MILR1: variants seen among roughly 807,000 people sequenced by gnomAD.
MILR1 encodes the protein mast cell immunoglobulin like receptor 1.
A neutral mutation model predicts 18.5 loss-of-function variants in MILR1; 31 were observed. The ratio of observed to expected loss-of-function variants is 1.68; its 90% confidence interval spans 1.26 to 2.26. MILR1 has a LOEUF of 2.26. Among genes scored for constraint, MILR1 ranks in the 30% most tolerant of loss-of-function variants. The pLI, the probability that MILR1 is intolerant of heterozygous loss-of-function variation, is 0.00. For missense variants in MILR1, 257 were observed against 157.4 expected (o/e 1.63, Z -3.38); for synonymous variants, 85 against 56.2 (o/e 1.51, Z -2.30).
In MILR1 at chr17:64,465,642, G is replaced by A. The variant is rs8067631; in HGVS notation, c.853+101G>A. On this transcript the variant is annotated intron_variant, in intron 6 of 9. Transcript: ENST00000619286. ...ACGGGAGTGGGGGGTGGAGCAAAAGGGATAGAGTTCAATGTCTATTGATGC... is the reference window on the plus strand; with the variant it reads ...ACGGGAGTGGGGGGTGGAGCAAAAGAGATAGAGTTCAATGTCTATTGATGC... 4,206 of 1,255,156 alleles carry A rather than the reference G, an allele frequency of 3.4e-3. 99 individuals carry two copies. In the African/African-American group the frequency reaches 0.057, roughly 17 times the overall value. The allele number at this position is 1,255,156 out of a possible 1,614,324, so 77.8% of individuals were successfully genotyped here.
the MILR1 span, chr17:64,496,891 A>G: frequency 6.2e-7 from 1 of 1,613,176 alleles, no homozygotes; most frequent in Non-Finnish European, 8.5e-7. Context: ...GCTGCCCCGC[A>G]TCTACTCGAC....
At chr17:64,496,996 T>G in the MILR1 span, 1 of 1,586,704 alleles carries the variant, frequency 6.3e-7, no homozygotes, top group Non-Finnish European at 8.6e-7. Context: ...GAGCACACTC[T>G]CCCATCACTC....
chr17:64,451,755 A>G (rs2037175183), intron 2 of MILR1, among the ~76,000 whole-genome samples: 2 of 152,004 alleles, frequency 1.3e-5, no homozygotes, highest in African/African-American at 4.8e-5. Context: ...CAACATGGTG[A>G]AACCCTGTCT....
At chr17:64,495,784 C>G in the MILR1 span, among the ~76,000 whole-genome samples, 4 of 152,018 alleles carry the variant, frequency 2.6e-5, no homozygotes, top group African/African-American at 7.2e-5. Context: ...TCTCGGCTCA[C>G]TGCAACCTCT....
chr17:64,471,238 C>T (rs1249912911), downstream of MILR1, among the ~76,000 whole-genome samples: 1 of 151,868 alleles, frequency 6.6e-6, no homozygotes, highest in Non-Finnish European at 1.5e-5. Flanking sequence ...GGGTGTTTTG[C>T]TGAGTTGAGC....
At chr17:64,491,660 CAA>C in the MILR1 span, 1 of 1,337,546 alleles carries the variant, frequency 7.5e-7, no homozygotes, top group Non-Finnish European at 1.1e-6. Flanking sequence ...ACTGGTACTA[CAA>C]CAAGTACATC....
chr17:64,493,903 G>C, the MILR1 span, among the ~76,000 whole-genome samples: 2 of 151,840 alleles, frequency 1.3e-5, no homozygotes, highest in African/African-American at 4.8e-5. Flanking sequence ...TTTTTTTCTT[G>C]TTCACTCCCA....
chr17:64,486,379 C>CTTTTTTTTTTTTTTTTTTTTTTTTTTTG, the MILR1 span, among the ~76,000 whole-genome samples: 1 of 146,782 alleles, frequency 6.8e-6, no homozygotes, highest in South Asian at 2.2e-4. Context: ...TTTTTTAATA[C>CTTTTTTTTTTTTTTTTTTTTTTTTTTTG]AGACAGAGTC....
At chr17:64,474,219 C>T in the MILR1 span, among the ~76,000 whole-genome samples, 4 of 152,054 alleles carry the variant, frequency 2.6e-5, no homozygotes, top group Admixed American at 6.5e-5. Context: ...GGATTACAGG[C>T]GCCTGCCACC....
At chr17:64,462,683 C>T (rs1469709999) in intron 5 of MILR1, among the ~76,000 whole-genome samples, 5 of 151,554 alleles carry the variant, frequency 3.3e-5, no homozygotes, top group Admixed American at 2.6e-4. Context: ...CTCTGTTGCC[C>T]AGGCTGGAGT....
chr17:64,468,292 TCTC>T lies in MILR1; in HGVS notation c.*29-17_*29-15del, dbSNP rs1555663877. ...GGCCTTTTATATTCTCTCTTGTCTC[TCTC>T]TTTTTTTTTTTGAGATGGAGTCTCA... On this transcript the variant is annotated splice_polypyrimidine_tract_variant and intron_variant, in intron 9 of 9. Coordinates refer to ENST00000619286, the MANE Select transcript of MILR1 (RefSeq NM_001085423.2). 1.8e-5 allele frequency: 8 copies of T among 452,060 alleles called. No individual in the cohort carries two copies. The highest frequency in any genetic ancestry group is 3.1e-5 in the Non-Finnish European group (7 of 225,316). 28.0% of individuals were successfully genotyped at this position (452,060 alleles called of 1,614,324 possible). A position where few individuals can be genotyped will look rare whatever the true frequency, so the allele number is the denominator to read the frequency against.
At chr17:64,479,949 G>T in the MILR1 span, among the ~76,000 whole-genome samples, 1 of 152,196 alleles carries the variant, frequency 6.6e-6, no homozygotes, top group South Asian at 2.1e-4. Flanking sequence ...GGACCACAAT[G>T]CCAGCAAAGA....
chr17:64,490,218 T>G, the MILR1 span, among the ~76,000 whole-genome samples: 2 of 152,186 alleles, frequency 1.3e-5, no homozygotes, highest in African/African-American at 4.8e-5. Flanking sequence ...CCACTGCGCC[T>G]GGCCGTTAAT....
chr17:64,468,955 C>T (rs978773512), downstream of MILR1, among the ~76,000 whole-genome samples: 8 of 151,912 alleles, frequency 5.3e-5, no homozygotes, highest in Middle Eastern at 3.2e-3. Flanking sequence ...GGCACAGTGG[C>T]GGGCACTTGT....
At chr17:64,495,920 G>A in the MILR1 span, among the ~76,000 whole-genome samples, 1 of 152,074 alleles carries the variant, frequency 6.6e-6, no homozygotes, top group African/African-American at 2.4e-5. Context: ...TGTTGGCCAG[G>A]CTAGTCTCGA....
At chr17:64,467,489 A>G (rs899752153) in intron 8 of MILR1, 76 bp from the exon 9 acceptor site, 2 of 855,414 alleles carry the variant, frequency 2.3e-6, no homozygotes, top group Non-Finnish European at 3.7e-6. Flanking sequence ...CCACCCAGCT[A>G]CTAGAAATAG....
the MILR1 span, among the ~76,000 whole-genome samples, chr17:64,493,707 C>G: frequency 5.3e-5 from 8 of 152,034 alleles, no homozygotes; most frequent in Non-Finnish European, 1.2e-4. Flanking sequence ...AGGTTGGTCT[C>G]GATCTCCTGA....
chr17:64,470,116 C>T (rs1249842187), downstream of MILR1, among the ~76,000 whole-genome samples: 1 of 152,142 alleles, frequency 6.6e-6, no homozygotes, highest in African/African-American at 2.4e-5. Context: ...TTTTTTGAGA[C>T]AGAGTCTCTC....
the MILR1 span, among the ~76,000 whole-genome samples, chr17:64,493,775 C>T: frequency 3.9e-5 from 6 of 152,070 alleles, no homozygotes; most frequent in South Asian, 2.1e-4. Context: ...CGTGAGCCAC[C>T]GCGCCCGACA....
Sources: allele counts gnomAD v4.1 joint callset (sites outside exome capture counted in the v4.1 genomes callset), GRCh38; gene constraint gnomAD v4.1.1; transcripts MANE v1.5; gene names NCBI Gene and HGNC (gene_info 2026-07-23, HGNC 2026-07-21).